DLG2: variants seen among roughly 807,000 people sequenced by gnomAD.
The protein encoded by DLG2 is discs large MAGUK scaffold protein 2, also known as disks large homolog 2.
A neutral mutation model predicts 132.5 loss-of-function variants in DLG2; 45 were observed. That is an observed-to-expected ratio of 0.34 (90% CI 0.27 to 0.44). The LOEUF is 0.44. DLG2 is among the 20% of genes least tolerant of loss of function. DLG2 has a pLI of 1.00. For synonymous variants in DLG2, 424 were observed against 419.6 expected, an observed-to-expected ratio of 1.01 and a Z score of -0.13; for missense variants, 1,045 against 1,196.9, an observed-to-expected ratio of 0.87 and a Z score of 1.87.
At chr11:84,409,378 G>A (rs974835944) in intron 7 of DLG2, among the ~76,000 whole-genome samples, 1 of 152,184 alleles carries the variant, frequency 6.6e-6, no homozygotes, top group Non-Finnish European at 1.5e-5. Flanking sequence ...AAACTTTTGT[G>A]TGGCTCTTTG....
chr11:84,426,049 TCAATAC>T, intron 7 of DLG2, among the ~76,000 whole-genome samples: 1 of 152,100 alleles, frequency 6.6e-6, no homozygotes, highest in Non-Finnish European at 1.5e-5. Context: ...TGAAAGATTA[TCAATAC>T]CACCACTCAA....
chr11:85,073,336 G>C (rs1437648691), intron 6 of DLG2, among the ~76,000 whole-genome samples: 1 of 151,826 alleles, frequency 6.6e-6, no homozygotes, highest in Non-Finnish European at 1.5e-5. Context: ...ATGGCACAGA[G>C]AAAGAAGGCT....
intron 10 of DLG2, among the ~76,000 whole-genome samples, chr11:84,084,860 T>C (rs2096954524): frequency 6.6e-6 from 1 of 152,212 alleles, no homozygotes; most frequent in Non-Finnish European, 1.5e-5. Context: ...CCCCTTACTC[T>C]TGATGTTTCC....
intron 18 of DLG2, among the ~76,000 whole-genome samples, chr11:83,678,983 G>A (rs989118555): frequency 6.6e-6 from 1 of 152,100 alleles, no homozygotes; most frequent in Non-Finnish European, 1.5e-5. Flanking sequence ...CTCTGAGAGG[G>A]ATTAAACATA....
At position 83,472,766 on chromosome 11, in the gene DLG2, C is replaced by T; in HGVS notation, c.2305G>A (p.Asp769Asn). ...ETSDPERGQE[D>N]LILSYEPVTR... Reference sequence around the variant, plus strand: ...ACAGGCTCATAGGAAAGAATGAGGTCTTCTTGTCCTCCTGAGAAGAGAAGG... The same window carrying T: ...ACAGGCTCATAGGAAAGAATGAGGTTTTCTTGTCCTCCTGAGAAGAGAAGG... Residue 769 changes from aspartate (D) to asparagine (N), a missense_variant, in exon 23 of 28, where the codon GAC becomes AAC. Asp to Asn is a conservative substitution (Grantham distance 23). Around this residue, in one of 4 missense-constraint regions of DLG2, gnomAD observed 398 missense variants for 543.6 expected, o/e 0.73. Transcript: ENST00000376104. The T allele has an allele frequency of 6.2e-7, 1 of 1,612,058 alleles. No individual in the cohort carries two copies. Among genetic ancestry groups the T allele is most frequent in the Non-Finnish European group, 8.5e-7 (1 of 1,178,828 alleles).
chr11:83,918,510 A>G (rs1036328520), intron 15 of DLG2, among the ~76,000 whole-genome samples: 6 of 152,194 alleles, frequency 3.9e-5, no homozygotes, highest in Non-Finnish European at 5.9e-5. Context: ...CCTGAATGTT[A>G]ATGCTACTTA....
At chr11:83,945,847 T>TG in intron 14 of DLG2, among the ~76,000 whole-genome samples, 1 of 151,454 alleles carries the variant, frequency 6.6e-6, no homozygotes, top group Non-Finnish European at 1.5e-5. Context: ...TGTGTGTGTT[T>TG]TCTAATGTGC....
At chr11:84,129,185 T>A (rs1016976666) in intron 9 of DLG2, among the ~76,000 whole-genome samples, 1 of 152,118 alleles carries the variant, frequency 6.6e-6, no homozygotes, top group Admixed American at 6.6e-5. Context: ...AAGAAAACTT[T>A]GAAATCTAGG....
intron 6 of DLG2, among the ~76,000 whole-genome samples, chr11:84,819,106 C>CACACACACACACA (rs769677741): frequency 1.6e-3 from 236 of 150,532 alleles, no homozygotes; most frequent in Non-Finnish European, 2.6e-3. Context: ...CACACACACA[C>CACACACACACACA]AATTTCGTTT....
intron 6 of DLG2, among the ~76,000 whole-genome samples, chr11:84,954,288 C>T (rs900719661): frequency 6.8e-6 from 1 of 147,484 alleles, no homozygotes. Flanking sequence ...GATAAAATAG[C>T]AATATGAGTT....
chr11:85,211,156 C>A (rs974862143), intron 4 of DLG2, among the ~76,000 whole-genome samples: 3 of 151,878 alleles, frequency 2.0e-5, no homozygotes, highest in Admixed American at 1.3e-4. Flanking sequence ...TTGCAAAGAC[C>A]AAATATCTTT....
At chr11:84,995,708 T>C (rs148474265) in intron 6 of DLG2, among the ~76,000 whole-genome samples, 39 of 152,204 alleles carry the variant, frequency 2.6e-4, no homozygotes, top group Non-Finnish European at 4.4e-4. Context: ...CAACTTAAAG[T>C]AACTTAAGCA....
chr11:84,723,399 T>C (rs983494749), intron 6 of DLG2, among the ~76,000 whole-genome samples: 1 of 152,190 alleles, frequency 6.6e-6, no homozygotes, highest in Non-Finnish European at 1.5e-5. Context: ...ACTTTTTATG[T>C]TTAACTTTAA....
At chr11:83,523,307 G>C (rs577658306) in intron 21 of DLG2, among the ~76,000 whole-genome samples, 30 of 152,246 alleles carry the variant, frequency 2.0e-4, no homozygotes, top group African/African-American at 6.7e-4. Context: ...AGTGTTATCT[G>C]ATAAAACTAT....
At chr11:85,351,071 C>T (rs531328785) in intron 3 of DLG2, among the ~76,000 whole-genome samples, 1 of 152,156 alleles carries the variant, frequency 6.6e-6, no homozygotes, top group African/African-American at 2.4e-5. Flanking sequence ...TGTTTGTGTC[C>T]TCTTTTATTT....
chr11:84,248,740 T>A (rs1044396227), intron 8 of DLG2, among the ~76,000 whole-genome samples: 1 of 151,894 alleles, frequency 6.6e-6, no homozygotes, highest in Non-Finnish European at 1.5e-5. Context: ...GGTGGTGCAC[T>A]CCTGTAGTCC....
intron 6 of DLG2, among the ~76,000 whole-genome samples, chr11:84,996,553 T>A (rs764419857): frequency 6.6e-6 from 1 of 152,208 alleles, no homozygotes; most frequent in Non-Finnish European, 1.5e-5. Flanking sequence ...TTTCAGAGAC[T>A]GTATTTTTTT....
chr11:84,627,072 T>C (rs990420469), intron 6 of DLG2, among the ~76,000 whole-genome samples: 1 of 152,024 alleles, frequency 6.6e-6, no homozygotes, highest in African/African-American at 2.4e-5. Flanking sequence ...GGTTTTGCCA[T>C]GTTGGCCAGG....
intron 3 of DLG2, among the ~76,000 whole-genome samples, chr11:85,507,847 C>A (rs1343701657): frequency 2.0e-5 from 3 of 152,170 alleles, no homozygotes; most frequent in Non-Finnish European, 4.4e-5. Context: ...GTACACCAAT[C>A]AGACGTAGAT....
Sources: allele counts gnomAD v4.1 joint callset (sites outside exome capture counted in the v4.1 genomes callset), GRCh38; gene constraint gnomAD v4.1.1; regional missense constraint gnomAD v4.1.1; transcripts MANE v1.5; gene names NCBI Gene and HGNC (gene_info 2026-07-23, HGNC 2026-07-21).